The following PAX7 variants were observed in gnomAD, a reference collection of about 807,000 sequenced individuals.
PAX7 encodes the protein paired box protein Pax-7.
Under a neutral mutation model 50.7 loss-of-function variants are expected in PAX7, and 18 were observed. The observed-to-expected ratio is 0.36, with a 90% confidence interval of 0.25 to 0.53. PAX7 has a LOEUF of 0.53. PAX7 is among the 20% of genes least tolerant of loss of function. The probability of loss-of-function intolerance (pLI) is 0.93; values close to 1 mark genes in which losing one functional copy is unlikely to be tolerated. For missense variants in PAX7, 644 were observed against 702.9 expected (o/e 0.92, Z 0.95); for synonymous variants, 310 against 290.4 (o/e 1.07, Z -0.69).
chr1:18,665,947 C>T (rs915388194), intron 4 of PAX7, among the ~76,000 whole-genome samples: 2 of 152,086 alleles, frequency 1.3e-5, no homozygotes, highest in East Asian at 1.9e-4. Flanking sequence ...GCTGGGATTA[C>T]AGGCATGAGC....
chr1:18,701,044 C>T (rs965508935), intron 6 of PAX7, among the ~76,000 whole-genome samples: 7 of 152,188 alleles, frequency 4.6e-5, no homozygotes, highest in African/African-American at 1.7e-4. Flanking sequence ...TAGAACTGAG[C>T]TTCTCAAATG....
intron 4 of PAX7, among the ~76,000 whole-genome samples, chr1:18,644,596 C>T (rs142179037): frequency 3.5e-4 from 53 of 152,184 alleles, no homozygotes; most frequent in African/African-American, 1.3e-3. Flanking sequence ...CTCACATCTG[C>T]GTGCTTCCTG....
At chr1:18,640,494 A>T (rs2088234562) in intron 4 of PAX7, among the ~76,000 whole-genome samples, 3 of 150,734 alleles carry the variant, frequency 2.0e-5, no homozygotes, top group Non-Finnish European at 4.4e-5. Context: ...GGAGAGGGAC[A>T]GGAGCCTTGG....
chr1:18,679,102 T>C lies in PAX7; in HGVS notation c.587-12652T>C, dbSNP rs987366566. On this transcript the variant is annotated intron_variant, in intron 4 of 8. Coordinates refer to ENST00000420770, the MANE Select transcript of PAX7 (RefSeq NM_001135254.2). ...AGCACACCAGCAGCGGTTTGAACGC[T>C]TCTTCTCTGTGGCCTTCACACCCAG... is the stretch of plus-strand genomic sequence containing the variant. Among the ~76,000 whole-genome samples, 5 of 152,308 alleles carry C rather than the reference T, an allele frequency of 3.3e-5. No individual in the cohort carries two copies. The South Asian group carries it at 1.0e-3, about 32-fold the overall frequency.
rs35777270 is a variant in PAX7, at chr1:18,726,030, TTGTG to T, written c.1156-9590_1156-9587del. On this transcript the variant is annotated intron_variant, in intron 7 of 8. Coordinates refer to ENST00000420770, the MANE Select transcript of PAX7 (RefSeq NM_001135254.2). The surrounding 1 kb of genome is among the most constrained non-coding windows in gnomAD (Gnocchi z 4.8). ...CGTGCGCGCGTGTGTGTGCGTGTGTTTGTGTGTGTGTGTGTCTTTGACTTCTTGG... is the reference window on the plus strand; with the variant it reads ...CGTGCGCGCGTGTGTGTGCGTGTGTTTGTGTGTGTGTCTTTGACTTCTTGG... Among the ~76,000 whole-genome samples, 4 of 149,932 alleles carry T rather than the reference TTGTG, an allele frequency of 2.7e-5. No homozygotes were observed. The highest frequency in any genetic ancestry group is 7.4e-5 in the African/African-American group (3 of 40,482).
chr1:18,735,618 C>G lies in PAX7; in HGVS notation c.1156-14C>G. 1.9e-6 allele frequency: 3 copies of G among 1,604,382 alleles called. No individual in the cohort carries two copies. Among genetic ancestry groups the G allele is most frequent in the Non-Finnish European group, 2.6e-6 (3 of 1,173,254 alleles). On this transcript the variant is annotated splice_polypyrimidine_tract_variant and intron_variant, in intron 7 of 8. Coordinates refer to ENST00000420770, the MANE Select transcript of PAX7 (RefSeq NM_001135254.2). The surrounding 1 kb of genome is among the most constrained non-coding windows in gnomAD (Gnocchi z 4.0). ...TGTCCGGTGAGCCTGGCACTAATGGCCTTTTCCCCACAGGTGATGAGCATC... is the reference window on the plus strand; with the variant it reads ...TGTCCGGTGAGCCTGGCACTAATGGGCTTTTCCCCACAGGTGATGAGCATC...
chr1:18,659,682 C>A (rs2088573339), intron 4 of PAX7, among the ~76,000 whole-genome samples: 2 of 152,172 alleles, frequency 1.3e-5, no homozygotes, highest in Admixed American at 1.3e-4. Context: ...GAGGTGGGAA[C>A]CCTGCCTCTG....
intron 8 of PAX7, among the ~76,000 whole-genome samples, chr1:18,738,338 C>T (rs1385656950): frequency 7.2e-5 from 11 of 152,170 alleles, no homozygotes; most frequent in Admixed American, 1.3e-4. Flanking sequence ...GCGGCAGCCC[C>T]GGCCTGGGGC....
At chr1:18,696,612 G>A (rs531923130) in intron 5 of PAX7, among the ~76,000 whole-genome samples, 125 of 152,270 alleles carry the variant, frequency 8.2e-4, no homozygotes, top group African/African-American at 2.8e-3. Flanking sequence ...GGATGGAACT[G>A]GAGGTCATTA....
intron 4 of PAX7, among the ~76,000 whole-genome samples, chr1:18,640,963 C>G (rs2088243757): frequency 6.6e-6 from 1 of 152,186 alleles, no homozygotes; most frequent in Non-Finnish European, 1.5e-5. Context: ...GCTGACAAGG[C>G]TCCCCTTTTC....
intron 4 of PAX7, among the ~76,000 whole-genome samples, chr1:18,675,669 C>A (rs1048567211): frequency 6.6e-6 from 1 of 152,224 alleles, no homozygotes; most frequent in African/African-American, 2.4e-5. Flanking sequence ...GAGCCCCCGG[C>A]TGCTTTTTGT....
rs142590581 is a variant in PAX7 at position 18,636,364 on chromosome 1, C to A, written c.579C>A (p.Gly193=). 9.2e-5 allele frequency: 148 copies of A among 1,613,988 alleles called. No homozygotes were observed. The highest frequency in any genetic ancestry group is 7.5e-4 in the Admixed American group (45 of 60,000). The change falls in exon 4 of 9, where the codon GGC becomes GGA. Residue 193 remains glycine (G), a synonymous_variant. Coordinates refer to ENST00000420770, the MANE Select transcript of PAX7 (RefSeq NM_001135254.2). The surrounding 1 kb of genome is among the most constrained non-coding windows in gnomAD (Gnocchi z 5.1). ...KAKHSIDGIL[G]DKGNRLDEGS... ...AACACAGCATCGACGGCATCCTGGG[C>A]GACAAAGGTAGGGAACTTCCCTGGG... is the stretch of plus-strand genomic sequence containing the variant.
intron 7 of PAX7, among the ~76,000 whole-genome samples, chr1:18,725,767 G>A (rs2089557671): frequency 6.6e-6 from 1 of 152,196 alleles, no homozygotes; most frequent in African/African-American, 2.4e-5. Flanking sequence ...AGCCATCAGA[G>A]ATGGTTTCAG....
intron 8 of PAX7, among the ~76,000 whole-genome samples, chr1:18,737,961 C>T (rs920668336): frequency 6.6e-6 from 1 of 152,190 alleles, no homozygotes; most frequent in African/African-American, 2.4e-5. Context: ...TGCACACATG[C>T]TTGAGTGTGT....
intron 8 of PAX7, 184 bp downstream of exon 8, chr1:18,736,062 C>T (rs1437519815): frequency 8.7e-7 from 1 of 1,155,784 alleles, no homozygotes; most frequent in Admixed American, 2.0e-5. Flanking sequence ...TTGGGCAAAA[C>T]CCAGGACATC....
intron 7 of PAX7, among the ~76,000 whole-genome samples, chr1:18,716,118 TC>T (rs953384651): frequency 4.6e-5 from 7 of 152,094 alleles, no homozygotes; most frequent in Middle Eastern, 3.2e-3. Flanking sequence ...AACACCTTTT[TC>T]AGTGGGGACG....
chr1:18,632,610 GT>G lies in PAX7; in HGVS notation c.85+923del, dbSNP rs553509883. ...GGCTTCTGAGGGTAGGTAGCCTAGG[GT>G]GTCACAGAGAAGTCATTAGAAATAT... On this transcript the variant is annotated intron_variant, in intron 1 of 8. Coordinates refer to ENST00000420770, the MANE Select transcript of PAX7 (RefSeq NM_001135254.2). This position sits in a 1 kb window ranked among gnomAD's most constrained non-coding sequence, Gnocchi z 6.3. Among the ~76,000 whole-genome samples the G allele has an allele frequency of 4.9e-4, 75 of 152,160 alleles. No individual in the cohort carries two copies. Among genetic ancestry groups the G allele is most frequent in the African/African-American group, 1.7e-3 (72 of 41,530 alleles).
At chr1:18,690,655 C>A (rs1412046012) in intron 4 of PAX7, among the ~76,000 whole-genome samples, 3 of 152,236 alleles carry the variant, frequency 2.0e-5, no homozygotes, top group African/African-American at 4.8e-5. Context: ...ACCTTCTGGG[C>A]TCTCCAGGCC....
At position 18,747,859 on chromosome 1, in the gene PAX7, G is replaced by C. The variant is rs1570256775; in HGVS notation, c.*2930G>C. 3 of 191,376 alleles carry C rather than the reference G, an allele frequency of 1.6e-5. No individual in the cohort carries two copies. In the East Asian group the frequency reaches 2.5e-4, roughly 16 times the overall value. The allele number at this position is 191,376 out of a possible 1,614,324, so 11.9% of individuals were successfully genotyped here. ...ATCCCCCACAGTGTGTGTCGTGCTA[G>C]TGCCAGAGACCATCTGTAGGGATAT... On this transcript the variant is annotated 3_prime_UTR_variant, in exon 9 of 9. Transcript: ENST00000420770.
Sources: gnomAD v4.1 joint callset for allele counts (sites outside exome capture counted in the v4.1 genomes callset) on GRCh38, gnomAD v4.1.1 for gene constraint, Gnocchi (gnomAD v3.1) non-coding constraint, MANE v1.5 for transcripts, NCBI Gene and HGNC (gene_info 2026-07-23, HGNC 2026-07-21) for gene names.